GAB2: variants seen among roughly 807,000 people sequenced by gnomAD.
The protein encoded by GAB2 is GRB2 associated binding protein 2.
A neutral mutation model predicts 65.5 loss-of-function variants in GAB2; 26 were observed. That is an observed-to-expected ratio of 0.40 (90% CI 0.29 to 0.55). GAB2 has a LOEUF of 0.55. Among genes scored for constraint, GAB2 ranks in the 20% least tolerant of loss-of-function variants. The probability of loss-of-function intolerance (pLI) is 0.53; values close to 1 mark genes in which losing one functional copy is unlikely to be tolerated. For synonymous variants in GAB2, 321 were observed against 329.6 expected, an observed-to-expected ratio of 0.97 and a Z score of 0.28; for missense variants, 884 against 875.8, an observed-to-expected ratio of 1.01 and a Z score of -0.12.
intron 1 of GAB2, among the ~76,000 whole-genome samples, chr11:78,301,131 T>C (rs1358669318): frequency 6.6e-6 from 1 of 152,164 alleles, no homozygotes; most frequent in Non-Finnish European, 1.5e-5. Context: ...TTTGGGGGTA[T>C]TATTGAGTTA....
intron 1 of GAB2, among the ~76,000 whole-genome samples, chr11:78,312,435 T>G (rs1855519565): frequency 6.6e-6 from 1 of 152,244 alleles, no homozygotes; most frequent in East Asian, 1.9e-4. Context: ...TTTATTTTAT[T>G]TATTTTTTGA....
chr11:78,279,374 T>A (rs1866267397), intron 2 of GAB2, among the ~76,000 whole-genome samples: 1 of 152,246 alleles, frequency 6.6e-6, no homozygotes, highest in Admixed American at 6.5e-5. Flanking sequence ...ACAGTTCACA[T>A]GTCCACGAAC....
rs71046967 is a variant in GAB2, at chr11:78,346,674, CATATATATATATATATATATATATAT to C, written c.76-65799_76-65774del. ...TGGGCTGTTCTGTTTACATCCCCTC[CATATATATATATATATATATATATAT>C]ATATATATATATATATATATAATTT... On this transcript the variant is annotated intron_variant, in intron 1 of 9. Transcript: ENST00000361507. 9.8e-4 allele frequency among the ~76,000 whole-genome samples: 54 copies of C among 54,912 alleles called. 3 individuals carry two copies. Among genetic ancestry groups the C allele is most frequent in the Admixed American group, 4.2e-3 (17 of 4,070 alleles). 36.0% of individuals were successfully genotyped at this position (54,912 alleles called of 152,430 possible).
rs147051981 is a variant in GAB2 at position 78,275,251 on chromosome 11, G to A, written c.376+5350C>T. 4.6e-5 allele frequency among the ~76,000 whole-genome samples: 7 copies of A among 152,272 alleles called. 1 individual carries two copies. The East Asian group carries it at 1.4e-3, about 29-fold the overall frequency. On this transcript the variant is annotated intron_variant, in intron 2 of 9. Transcript: ENST00000361507. ...CCCAGCCAAGGATGGGGAGTGGGTA[G>A]ACGGAGAAGATTTTTAGCCCCGGGG...
At chr11:78,225,554 G>C (rs909255607) in intron 4 of GAB2, among the ~76,000 whole-genome samples, 1 of 152,146 alleles carries the variant, frequency 6.6e-6, no homozygotes, top group Non-Finnish European at 1.5e-5. Flanking sequence ...ATATGTGTTG[G>C]TTTTATTTTC....
chr11:78,313,210 C>CT (rs1339087831), intron 1 of GAB2, among the ~76,000 whole-genome samples: 7 of 151,186 alleles, frequency 4.6e-5, no homozygotes, highest in East Asian at 3.9e-4. Context: ...TTTCCCAGCA[C>CT]TTTTTTTTTC....
In GAB2 at chr11:78,300,684, GGTTTTTTTTT is replaced by G. The variant is rs1404988700; in HGVS notation, c.76-19793_76-19784del. ...ATCTCACTGTGTGGTTTTTTTTTTT[GGTTTTTTTTT>G]GTTTTTTTTTTTTTTTTTGAGACAG... On this transcript the variant is annotated intron_variant, in intron 1 of 9. Coordinates refer to ENST00000361507, the MANE Select transcript of GAB2 (RefSeq NM_080491.3). 1.3e-3 allele frequency among the ~76,000 whole-genome samples: 168 copies of G among 134,026 alleles called. 1 individual carries two copies. The highest frequency in any genetic ancestry group is 4.7e-3 in the African/African-American group (157 of 33,266). The allele number at this position is 134,026 out of a possible 152,430, so 87.9% of individuals were successfully genotyped here. A position where few individuals can be genotyped will look rare whatever the true frequency, so the allele number is the denominator to read the frequency against.
At position 78,390,024 on chromosome 11, in the gene GAB2, C is replaced by G. The variant is rs563206765; in HGVS notation, c.75+27622G>C. Among the ~76,000 whole-genome samples the G allele has an allele frequency of 5.5e-4, 84 of 152,276 alleles. No homozygotes were observed. The South Asian group carries it at 5.8e-3, about 11-fold the overall frequency. On this transcript the variant is annotated intron_variant, in intron 1 of 9. Coordinates refer to ENST00000361507, the MANE Select transcript of GAB2 (RefSeq NM_080491.3). ...CCACATAAATTCAGTAGTTCAGGAC[C>G]AGGCAGCTTTAGAGTACAGTTTATG...
intron 1 of GAB2, among the ~76,000 whole-genome samples, chr11:78,374,264 C>T (rs1023125912): frequency 6.6e-6 from 1 of 152,170 alleles, no homozygotes; most frequent in African/African-American, 2.4e-5. Context: ...CATGACCTGC[C>T]ATCAACCCTC....
At chr11:78,417,393 G>A (rs1362236914) in intron 1 of GAB2, among the ~76,000 whole-genome samples, 2 of 152,118 alleles carry the variant, frequency 1.3e-5, no homozygotes, top group South Asian at 4.1e-4. Flanking sequence ...AGACCGGCTT[G>A]GGAGGCGCCG....
chr11:78,413,313 C>G (rs375692350), intron 1 of GAB2, among the ~76,000 whole-genome samples: 3 of 152,260 alleles, frequency 2.0e-5, no homozygotes, highest in African/African-American at 4.8e-5. Context: ...GAGCTTCAAC[C>G]TTTAAGGACT....
At chr11:78,344,653 A>G (rs1591053928) in intron 1 of GAB2, among the ~76,000 whole-genome samples, 1 of 152,242 alleles carries the variant, frequency 6.6e-6, no homozygotes, top group African/African-American at 2.4e-5. Context: ...AACCTAAGAT[A>G]TTTCATAGAT....
At chr11:78,306,637 G>T (rs1266809269) in intron 1 of GAB2, among the ~76,000 whole-genome samples, 1 of 152,224 alleles carries the variant, frequency 6.6e-6, no homozygotes. Flanking sequence ...GGTTTATAAA[G>T]CTACAAGCTT....
intron 1 of GAB2, among the ~76,000 whole-genome samples, chr11:78,412,019 G>C (rs978016981): frequency 6.7e-6 from 1 of 148,624 alleles, no homozygotes; most frequent in African/African-American, 2.6e-5. Flanking sequence ...GACAGAGTGA[G>C]AATCTGTCTA....
intron 3 of GAB2, among the ~76,000 whole-genome samples, chr11:78,244,182 A>G (rs1336063467): frequency 2.0e-5 from 3 of 152,146 alleles, no homozygotes; most frequent in African/African-American, 7.2e-5. Flanking sequence ...CCTTGAGGTC[A>G]GGAGTTCAAG....
intron 1 of GAB2, among the ~76,000 whole-genome samples, chr11:78,281,261 T>C (rs1199825917): frequency 6.6e-6 from 1 of 151,728 alleles, no homozygotes; most frequent in Non-Finnish European, 1.5e-5. Context: ...TTTTTTTTTT[T>C]TGAGATGGAG....
At chr11:78,256,065 G>A (rs1322105263) in intron 2 of GAB2, among the ~76,000 whole-genome samples, 1 of 151,814 alleles carries the variant, frequency 6.6e-6, no homozygotes, top group East Asian at 1.9e-4. Context: ...ATCATAGAGG[G>A]TTGCTGAAAG....
In GAB2 at chr11:78,387,237, T is replaced by G. The variant is rs1856779620; in HGVS notation, c.75+30409A>C. On this transcript the variant is annotated intron_variant, in intron 1 of 9. Transcript: ENST00000361507. ...TTTAAAACTCTTCTTTTCCTCACAC[T>G]GTATGACCTCTGAGGCTCCAACTAC... Among the ~76,000 whole-genome samples, 3 of 152,206 alleles carry G rather than the reference T, an allele frequency of 2.0e-5. No homozygotes were observed. In the South Asian group the frequency reaches 6.2e-4, roughly 31 times the overall value.
Position 78,216,205 on chromosome 11 carries a change from C to T in GAB2, c.*3067G>A, listed in dbSNP as rs988930747. 6.6e-6 allele frequency: 1 copy of T among 152,564 alleles called. No individual in the cohort carries two copies. The highest frequency in any genetic ancestry group is 2.4e-5 in the African/African-American group (1 of 41,570). The allele number at this position is 152,564 out of a possible 1,614,324, so 9.5% of individuals were successfully genotyped here. A position where few individuals can be genotyped will look rare whatever the true frequency, so the allele number is the denominator to read the frequency against. On this transcript the variant is annotated 3_prime_UTR_variant, in exon 10 of 10. Transcript: ENST00000361507. ...AAGGAGACACCATCTCCCTATTTCT[C>T]ATCGTTCTCACTTGACTTAACCTTG...
Sources: allele counts gnomAD v4.1 joint callset (sites outside exome capture counted in the v4.1 genomes callset), GRCh38; gene constraint gnomAD v4.1.1; transcripts MANE v1.5; gene names NCBI Gene and HGNC (gene_info 2026-07-23, HGNC 2026-07-21).